HLTF: variants seen among roughly 807,000 people sequenced by gnomAD.
HLTF encodes helicase like transcription factor.
Under a neutral mutation model 129.4 loss-of-function variants are expected in HLTF, and 127 were observed. That is an observed-to-expected ratio of 0.98 (90% CI 0.85 to 1.14). The LOEUF is 1.14. Among genes scored for constraint, HLTF ranks in the 50% most tolerant of loss-of-function variants. The pLI is 0.00. For missense variants in HLTF, 1,139 were observed against 1,187.1 expected, an observed-to-expected ratio of 0.96 and a Z score of 0.60; for synonymous variants, 332 against 388.8, an observed-to-expected ratio of 0.85 and a Z score of 1.72.
Position 149,046,160 on chromosome 3 carries a change from A to C in HLTF, c.1992T>G (p.Phe664Leu). 6.2e-7 allele frequency: 1 copy of C among 1,609,762 alleles called. No homozygotes were observed. Among genetic ancestry groups the C allele is most frequent in the South Asian group, 1.1e-5 (1 of 90,670 alleles). The change falls in exon 18 of 25, where the codon TTT becomes TTG. Residue 664 changes from phenylalanine (F) to leucine (L), a missense_variant. Physicochemically the swap from Phe to Leu is conservative, Grantham distance 22 (BLOSUM62 0). Coordinates refer to ENST00000310053, the MANE Select transcript of HLTF (RefSeq NM_003071.4). ...PVLELPERKV[F>L]IQHITLSDEE... ...CATCTGAAAGTGTAATGTGCTGAAT[A>C]AATACTTTACGTTCTGGTAACTCCA...
At chr3:149,083,589 T>A (rs1265159778) in intron 2 of HLTF, 1 of 151,884 alleles carries the variant, frequency 6.6e-6, no homozygotes, top group Non-Finnish European at 1.5e-5. Context: ...AGAGAATATA[T>A]AGATGTGAAA....
chr3:149,063,327 TG>T, intron 10 of HLTF, 103 bp downstream of exon 10: 2 of 742,298 alleles, frequency 2.7e-6, no homozygotes, highest in Non-Finnish European at 2.4e-6. Context: ...CCCAAAGTGC[TG>T]GGATTACAGG....
Position 149,040,564 on chromosome 3 carries a change from T to C in HLTF, c.2377-408A>G, listed in dbSNP as rs980721115. ...GCTATTAAGCTTATAAAGCTTATAA[T>C]AGCTTATAAAGCTACTAGGATCTGT... On this transcript the variant is annotated intron_variant, in intron 20 of 24. Coordinates refer to ENST00000310053, the MANE Select transcript of HLTF (RefSeq NM_003071.4). 2.6e-5 allele frequency among the ~76,000 whole-genome samples: 4 copies of C among 152,262 alleles called. No homozygotes were observed. The South Asian group carries it at 8.3e-4, about 32-fold the overall frequency.
intron 14 of HLTF, among the ~76,000 whole-genome samples, chr3:149,054,434 T>C (rs942930481): frequency 2.6e-5 from 4 of 152,114 alleles, no homozygotes; most frequent in African/African-American, 9.7e-5. Flanking sequence ...AGAGACTAAA[T>C]ACTGGTCTTA....
At position 149,063,474 on chromosome 3, in the gene HLTF, T is replaced by A; in HGVS notation, c.1117A>T (p.Ser373Cys). 2 of 1,611,660 alleles carry A rather than the reference T, an allele frequency of 1.2e-6. No individual in the cohort carries two copies. The highest frequency in any genetic ancestry group is 1.7e-4 in the Middle Eastern group (1 of 6,060). The change falls in exon 10 of 25, where the codon AGT becomes TGT. Residue 373 changes from serine (S) to cysteine (C), a missense_variant. Transcript: ENST00000310053. ...QPSISDIKEK[S>C]KFRMSELSSS... is the part of the protein sequence containing the mutation. ...GACAATTCTGACATGCGAAACTTACTCTTCTCCTTGATATCTGAAATACTG... is the reference window on the plus strand; with the variant it reads ...GACAATTCTGACATGCGAAACTTACACTTCTCCTTGATATCTGAAATACTG...
intron 23 of HLTF, among the ~76,000 whole-genome samples, chr3:149,038,739 C>G (rs7611297): frequency 0.028 from 4,187 of 152,206 alleles, 204 homozygotes; most frequent in African/African-American, 0.096. Context: ...TCTCAAACTC[C>G]TGAGCTCAGG....
At chr3:149,042,106 T>C in intron 19 of HLTF, 60 bp downstream of exon 19, 3 of 1,489,290 alleles carry the variant, frequency 2.0e-6, no homozygotes, top group Non-Finnish European at 2.8e-6. Flanking sequence ...AAAAAATTTA[T>C]CACTCTTATT....
intron 8 of HLTF, 127 bp from the exon 9 acceptor site, chr3:149,064,993 C>A: frequency 2.1e-6 from 1 of 478,446 alleles, no homozygotes. Flanking sequence ...AATTCTGGAG[C>A]AACTGAAGGG....
downstream of HLTF, chr3:149,030,095 A>C: frequency 6.6e-6 from 1 of 152,308 alleles, no homozygotes; most frequent in East Asian, 1.9e-4. Flanking sequence ...TTTGAAGATA[A>C]AGTCAAAATT....
chr3:149,053,146 G>A (rs571154429), intron 14 of HLTF, among the ~76,000 whole-genome samples: 1 of 151,990 alleles, frequency 6.6e-6, no homozygotes, highest in South Asian at 2.1e-4. Flanking sequence ...TTACTTGAGA[G>A]CCAGGAAGAC....
At chr3:149,076,538 G>C (rs569375536) in intron 2 of HLTF, among the ~76,000 whole-genome samples, 1 of 152,232 alleles carries the variant, frequency 6.6e-6, no homozygotes, top group East Asian at 1.9e-4. Context: ...GCAGAGCTAG[G>C]ATCTGAACCC....
Position 149,063,082 on chromosome 3 carries a change from C to T in HLTF, c.1160+349G>A, listed in dbSNP as rs769824400. 130 of 456,852 alleles carry T rather than the reference C, an allele frequency of 2.8e-4. 2 individuals carry two copies. Among genetic ancestry groups the T allele is most frequent in the South Asian group, 1.9e-3 (122 of 64,482 alleles). The allele number at this position is 456,852 out of a possible 1,614,324, so 28.3% of individuals were successfully genotyped here. ...CTCTCTTTTTCTTTTTTTTTTGAGA[C>T]GGAGTCTCACTCTGTCACCCAGGCT... On this transcript the variant is annotated intron_variant, in intron 10 of 24. Transcript: ENST00000310053.
intron 3 of HLTF, 44 bp from the exon 4 acceptor site, chr3:149,074,392 C>T (rs1334245519): frequency 6.5e-7 from 1 of 1,540,252 alleles, no homozygotes; most frequent in Middle Eastern, 1.7e-4. Flanking sequence ...AGAAGCATTA[C>T]TTTTTATCCC....
intron 23 of HLTF, among the ~76,000 whole-genome samples, chr3:149,035,279 T>C (rs1470167172): frequency 6.6e-6 from 1 of 152,152 alleles, no homozygotes; most frequent in Non-Finnish European, 1.5e-5. Flanking sequence ...AATTTGGTTT[T>C]TTTTTTCATT....
chr3:149,033,190 C>T (rs1715281702), intron 24 of HLTF, among the ~76,000 whole-genome samples: 1 of 152,046 alleles, frequency 6.6e-6, no homozygotes, highest in South Asian at 2.1e-4. Flanking sequence ...TGGTCACTAT[C>T]TGCTACTATT....
At chr3:149,081,112 A>G (rs1334188450) in intron 2 of HLTF, among the ~76,000 whole-genome samples, 1 of 152,192 alleles carries the variant, frequency 6.6e-6, no homozygotes, top group Non-Finnish European at 1.5e-5. Context: ...GTTTCCACAA[A>G]GAAATCACCT....
rs1715953253 is a variant in HLTF, at chr3:149,039,681, T to A, written c.2515A>T (p.Met839Leu). The change falls in exon 22 of 25, where the codon ATG (methionine) becomes TTG (leucine). Residue 839 changes from methionine (M) to leucine (L), a missense_variant. Physicochemically the swap from Met to Leu is conservative, Grantham distance 15 (BLOSUM62 2). Coordinates refer to ENST00000310053, the MANE Select transcript of HLTF (RefSeq NM_003071.4). ...TTTCTTAAGTCAGTCAATGCGTGCA[T>A]TAGCGCATTAATCTGCAAAAAATAT... ...WTSSSKINAL[M>L]HALTDLRKKN... 6.3e-7 allele frequency: 1 copy of A among 1,581,180 alleles called. No individual in the cohort carries two copies. The highest frequency in any genetic ancestry group is 1.8e-5 in the Admixed American group (1 of 54,814).
chr3:149,067,649 C>T (rs1718506549), intron 8 of HLTF, among the ~76,000 whole-genome samples: 1 of 151,510 alleles, frequency 6.6e-6, no homozygotes, highest in South Asian at 2.1e-4. Flanking sequence ...ACTACAGGTG[C>T]CAGTCACTAT....
rs1300871493 is a variant in HLTF, at chr3:149,042,203, G to C, written c.2160C>G (p.Tyr720Ter). The change falls in exon 19 of 25, where the codon TAC becomes TAG. Residue 720 changes from tyrosine (Y) to a stop codon, truncating the protein, a stop_gained. Coordinates refer to ENST00000310053, the MANE Select transcript of HLTF (RefSeq NM_003071.4). LOFTEE classifies it high-confidence loss of function. The part of the protein sequence containing the change: ...LRLRQICCHT[Y>*]LLTNAVSSNG... Reference sequence around the variant, plus strand: ...TGGAAGACACTGCATTTGTAAGAAGGTAAGTATGGCAACAAATTTGCCGCA... The same window carrying C: ...TGGAAGACACTGCATTTGTAAGAAGCTAAGTATGGCAACAAATTTGCCGCA... The C allele has an allele frequency of 6.2e-7, 1 of 1,613,348 alleles. No homozygotes were observed. Among genetic ancestry groups the C allele is most frequent in the South Asian group, 1.1e-5 (1 of 91,050 alleles).
Sources: gnomAD v4.1 joint callset for allele counts (sites outside exome capture counted in the v4.1 genomes callset) on GRCh38, gnomAD v4.1.1 for gene constraint, MANE v1.5 for transcripts, NCBI Gene and HGNC (gene_info 2026-07-23, HGNC 2026-07-21) for gene names.